Variants in ABCC1 observed in about 807,000 individuals in gnomAD.
The protein encoded by ABCC1 is ATP binding cassette subfamily C member 1 (ABCC1 blood group).
In ABCC1, 83 loss-of-function variants were observed where a neutral mutation model predicts 172.9. That is an observed-to-expected ratio of 0.48 (90% CI 0.40 to 0.58). The LOEUF (loss-of-function observed/expected upper bound fraction) is 0.58. ABCC1 is among the 20% of genes least tolerant of loss of function. The pLI is 0.00. For missense variants in ABCC1, 1,817 were observed against 2,002.7 expected, an observed-to-expected ratio of 0.91 and a Z score of 1.77; for synonymous variants, 937 against 825.2, an observed-to-expected ratio of 1.14 and a Z score of -2.32.
At chr16:16,006,895 T>A (rs1369818230) in intron 1 of ABCC1, among the ~76,000 whole-genome samples, 1 of 143,722 alleles carries the variant, frequency 7.0e-6, no homozygotes, top group South Asian at 2.2e-4. Flanking sequence ...GTGGTGGTGA[T>A]GGTGGCGATG....
rs78897368 is a variant in ABCC1, at chr16:15,965,278, C to T, written c.48+15479C>T. On this transcript the variant is annotated intron_variant, in intron 1 of 30. Coordinates refer to ENST00000399410, the MANE Select transcript of ABCC1 (RefSeq NM_004996.4). ...TTTGACATTTGGGTTGCTGTGTTTT[C>T]TTTCTCCTTTTTTTTTTTTATTATT... 3.9e-3 allele frequency among the ~76,000 whole-genome samples: 587 copies of T among 150,898 alleles called. 3 individuals carry two copies. The highest frequency in any genetic ancestry group is 0.012 in the African/African-American group (487 of 40,870).
chr16:16,083,392 G>A lies in ABCC1; in HGVS notation c.2142G>A (p.Gln714=). 1.9e-6 allele frequency: 3 copies of A among 1,613,772 alleles called. No individual in the cohort carries two copies. The highest frequency in any genetic ancestry group is 2.5e-6 in the Non-Finnish European group (3 of 1,180,014). ...IKGSVAYVPQ[Q]AWIQNDSLRE... Reference sequence around the variant, plus strand: ...GCTCCGTGGCCTATGTGCCACAGCAGGCCTGGATTCAGAATGATTCTCTCC... The same window carrying A: ...GCTCCGTGGCCTATGTGCCACAGCAAGCCTGGATTCAGAATGATTCTCTCC... The change falls in exon 17 of 31, where the codon CAG becomes CAA. Residue 714 remains glutamine, a synonymous_variant. Coordinates refer to ENST00000399410, the MANE Select transcript of ABCC1 (RefSeq NM_004996.4).
chr16:15,991,309 A>G (rs1275312122), intron 1 of ABCC1, among the ~76,000 whole-genome samples: 2 of 151,798 alleles, frequency 1.3e-5, no homozygotes, highest in Non-Finnish European at 2.9e-5. Context: ...GGCTATGGGT[A>G]TGTGGTGGGG....
At chr16:15,990,215 C>A (rs576401768) in intron 1 of ABCC1, among the ~76,000 whole-genome samples, 1 of 152,218 alleles carries the variant, frequency 6.6e-6, no homozygotes, top group South Asian at 2.1e-4. Context: ...CCACCACACC[C>A]AGCTAATTTT....
chr16:16,001,769 A>C (rs16967173), intron 1 of ABCC1, among the ~76,000 whole-genome samples: 14,167 of 152,252 alleles, frequency 0.093, 763 homozygotes, highest in African/African-American at 0.13. Flanking sequence ...TGCTTTGTGA[A>C]GTAATTGCCT....
intron 1 of ABCC1, among the ~76,000 whole-genome samples, chr16:15,953,609 G>T (rs1437739528): frequency 6.6e-6 from 1 of 152,116 alleles, no homozygotes; most frequent in Non-Finnish European, 1.5e-5. Flanking sequence ...AAAGATCAGT[G>T]GTCGTTGCCA....
chr16:16,138,335 T>C, intron 29 of ABCC1, 29 bp from the exon 30 acceptor site: 1 of 1,553,824 alleles, frequency 6.4e-7, no homozygotes, highest in Non-Finnish European at 8.8e-7. Flanking sequence ...GACCCAACAC[T>C]ATCTCCTGGT....
At chr16:16,072,743 C>G (rs1337182374) in intron 14 of ABCC1, among the ~76,000 whole-genome samples, 3 of 151,954 alleles carry the variant, frequency 2.0e-5, no homozygotes, top group African/African-American at 7.2e-5. Context: ...TCTCTAGGCA[C>G]TTAATAATAA....
intron 2 of ABCC1, among the ~76,000 whole-genome samples, 195 bp from the exon 3 acceptor site, chr16:16,009,581 G>T (rs1204564653): frequency 6.6e-6 from 1 of 152,120 alleles, no homozygotes; most frequent in South Asian, 2.1e-4. Flanking sequence ...AGACCATCAC[G>T]TGCCGGCCTG....
chr16:15,984,992 G>A (rs1432236650), intron 1 of ABCC1, among the ~76,000 whole-genome samples: 1 of 151,916 alleles, frequency 6.6e-6, no homozygotes, highest in Non-Finnish European at 1.5e-5. Context: ...GGTCCCAGCT[G>A]CCTGGAAGGC....
intron 1 of ABCC1, among the ~76,000 whole-genome samples, chr16:16,001,104 G>C (rs745344407): frequency 1.2e-4 from 19 of 152,226 alleles, no homozygotes; most frequent in Non-Finnish European, 2.6e-4. Flanking sequence ...GTAAATGCCT[G>C]AGTAAGGCAC....
chr16:16,128,640 A>C (rs2152125135), intron 26 of ABCC1, among the ~76,000 whole-genome samples: 1 of 152,324 alleles, frequency 6.6e-6, no homozygotes, highest in African/African-American at 2.4e-5. Context: ...TTGTTATAGC[A>C]TCTCCCCTTC....
intron 19 of ABCC1, among the ~76,000 whole-genome samples, chr16:16,101,814 T>C (rs2051766404): frequency 1.3e-5 from 2 of 152,222 alleles, no homozygotes; most frequent in Non-Finnish European, 2.9e-5. Context: ...ATTGTCATTG[T>C]TGATGTTCCG....
chr16:16,127,101 A>G (rs1358393021), intron 26 of ABCC1, among the ~76,000 whole-genome samples: 1 of 152,192 alleles, frequency 6.6e-6, no homozygotes, highest in African/African-American at 2.4e-5. Flanking sequence ...GATAATCACA[A>G]TAATGCCTGG....
At chr16:16,008,697 G>T (rs7199424) in intron 2 of ABCC1, among the ~76,000 whole-genome samples, 63,274 of 150,922 alleles carry the variant, frequency 0.42, 14,819 homozygotes, top group Non-Finnish European at 0.53. Flanking sequence ...ACAAAAATGA[G>T]CTGGGTGTGG....
chr16:16,049,564 AAC>A lies in ABCC1; in HGVS notation c.1380+1264_1380+1265del, dbSNP rs565775895. 6.4e-3 allele frequency among the ~76,000 whole-genome samples: 974 copies of A among 152,308 alleles called. 13 individuals carry two copies. Among genetic ancestry groups the A allele is most frequent in the African/African-American group, 0.023 (941 of 41,572 alleles). ...CTGCTCATCCCCCAAGGCTGTAACA[AAC>A]ACTACTTCCATTGATTTACCCTCCC... On this transcript the variant is annotated intron_variant, in intron 10 of 30. Transcript: ENST00000399410.
rs1210735266 is a variant in ABCC1 at position 16,142,350 on chromosome 16, CT to C, written c.*1073del. The C allele has an allele frequency of 6.6e-6, 1 of 152,238 alleles. No homozygotes were observed. Among genetic ancestry groups the C allele is most frequent in the Non-Finnish European group, 1.5e-5 (1 of 68,046 alleles). The allele number at this position is 152,238 out of a possible 1,614,324, so 9.4% of individuals were successfully genotyped here. On this transcript the variant is annotated 3_prime_UTR_variant, in exon 31 of 31. Coordinates refer to ENST00000399410, the MANE Select transcript of ABCC1 (RefSeq NM_004996.4). ...ATTTTGTTCTTTTTTCTTACCACCT[CT>C]TTTCTTTCCCTCTCATGGTACCTGC... is the stretch of plus-strand genomic sequence containing the variant.
At chr16:16,069,320 G>C (rs1333732870) in intron 13 of ABCC1, among the ~76,000 whole-genome samples, 1 of 151,990 alleles carries the variant, frequency 6.6e-6, no homozygotes, top group Non-Finnish European at 1.5e-5. Context: ...GCTGCAGTGA[G>C]TCATAGTCTC....
intron 7 of ABCC1, 114 bp downstream of exon 7, chr16:16,036,717 C>T (rs1714694916): frequency 1.7e-6 from 2 of 1,179,026 alleles, no homozygotes; most frequent in Non-Finnish European, 2.4e-6. Context: ...CTTTGTGGTT[C>T]TGGGCAAGAT....
Sources: gnomAD v4.1 joint callset for allele counts (sites outside exome capture counted in the v4.1 genomes callset) on GRCh38, gnomAD v4.1.1 for gene constraint, MANE v1.5 for transcripts, NCBI Gene and HGNC (gene_info 2026-07-23, HGNC 2026-07-21) for gene names.